IKZF2: variants seen among roughly 807,000 people sequenced by gnomAD.
IKZF2 encodes the protein IKAROS family zinc finger 2.
A neutral mutation model predicts 49.2 loss-of-function variants in IKZF2; 15 were observed. The observed-to-expected ratio is 0.30, with a 90% CI of 0.20 to 0.47. The LOEUF (loss-of-function observed/expected upper bound fraction) is 0.47, where lower values mean the gene tolerates loss of function less well. Among genes scored for constraint, IKZF2 ranks in the 20% least tolerant of loss-of-function variants. IKZF2 has a pLI of 1.00. For synonymous variants in IKZF2, 227 were observed against 221.4 expected (o/e 1.03, Z -0.23); for missense variants, 567 against 664.6 (o/e 0.85, Z 1.61).
intron 4 of IKZF2, among the ~76,000 whole-genome samples, chr2:213,130,906 GT>G (rs1275011703): frequency 6.6e-6 from 1 of 152,100 alleles, no homozygotes; most frequent in Non-Finnish European, 1.5e-5. Context: ...AAGATGATCT[GT>G]TACAATGTAA....
chr2:213,017,598 A>G (rs1696757389), intron 7 of IKZF2, among the ~76,000 whole-genome samples: 1 of 152,090 alleles, frequency 6.6e-6, no homozygotes, highest in Admixed American at 6.6e-5. Flanking sequence ...TCTCTTTACA[A>G]ACACACATGG....
rs185726567 is a variant in IKZF2, at chr2:213,096,169, G to A, written c.140-39070C>T. ...GAGCATCATACTCTAAACTTGATGC[G>A]AATTTCACATGAAAGAAACTTAATA... On this transcript the variant is annotated intron_variant, in intron 4 of 8. Coordinates refer to ENST00000434687, the MANE Select transcript of IKZF2 (RefSeq NM_001387220.1). Among the ~76,000 whole-genome samples the A allele has an allele frequency of 2.6e-5, 4 of 151,966 alleles. 1 individual carries two copies. The highest frequency in any genetic ancestry group is 6.6e-5 in the Admixed American group (1 of 15,248).
chr2:213,054,470 G>A (rs533947983), intron 5 of IKZF2, among the ~76,000 whole-genome samples: 4 of 152,194 alleles, frequency 2.6e-5, no homozygotes, highest in African/African-American at 7.2e-5. Flanking sequence ...TTAAAGAAAT[G>A]CAAATAGACT....
chr2:213,098,440 A>G (rs1706268470), intron 4 of IKZF2, among the ~76,000 whole-genome samples: 1 of 148,070 alleles, frequency 6.8e-6, no homozygotes, highest in African/African-American at 2.7e-5. Context: ...TCAACCTTAC[A>G]CAAAATGATG....
intron 4 of IKZF2, among the ~76,000 whole-genome samples, chr2:213,091,905 T>C (rs531785634): frequency 4.6e-5 from 7 of 152,088 alleles, no homozygotes; most frequent in African/African-American, 1.7e-4. Flanking sequence ...TGTGTGCGTG[T>C]GTGTGTGTGT....
At chr2:213,151,627 C>A (rs1283902529), upstream of IKZF2, 1 of 152,104 alleles carries the variant, frequency 6.6e-6, no homozygotes, top group Non-Finnish European at 1.5e-5. Context: ...GACAGCTGGT[C>A]AAACCCCGAG....
intron 4 of IKZF2, among the ~76,000 whole-genome samples, chr2:213,109,691 A>T (rs1176306609): frequency 6.6e-6 from 1 of 152,040 alleles, no homozygotes; most frequent in African/African-American, 2.4e-5. Flanking sequence ...AATTCCTAAC[A>T]CTACCATTAT....
intron 4 of IKZF2, among the ~76,000 whole-genome samples, chr2:213,135,609 C>T (rs2060627308): frequency 6.6e-6 from 1 of 150,674 alleles, no homozygotes; most frequent in South Asian, 2.1e-4. Flanking sequence ...TGCTTGAGCC[C>T]AGGAGTTCCA....
chr2:213,061,026 C>T (rs184113384), intron 4 of IKZF2, among the ~76,000 whole-genome samples: 1 of 151,624 alleles, frequency 6.6e-6, no homozygotes, highest in East Asian at 1.9e-4. Context: ...CTTCTTTATG[C>T]TTTCAAAATA....
chr2:213,041,574 T>G (rs956901805), intron 6 of IKZF2, among the ~76,000 whole-genome samples: 2 of 152,164 alleles, frequency 1.3e-5, no homozygotes, highest in Admixed American at 6.5e-5. Context: ...AGTGTTAGGA[T>G]TACAGGTGTG....
At chr2:213,102,485 G>A (rs986847424) in intron 4 of IKZF2, among the ~76,000 whole-genome samples, 2 of 152,052 alleles carry the variant, frequency 1.3e-5, no homozygotes, top group South Asian at 2.1e-4. Flanking sequence ...GACAAGTTGG[G>A]AGGTTGTTTT....
intron 4 of IKZF2, among the ~76,000 whole-genome samples, chr2:213,143,883 C>T (rs1049473748): frequency 4.6e-5 from 7 of 151,946 alleles, no homozygotes; most frequent in Admixed American, 1.3e-4. Flanking sequence ...GTATTGGACA[C>T]GGCAGACACC....
intron 5 of IKZF2, among the ~76,000 whole-genome samples, chr2:213,056,342 C>T (rs1701149041): frequency 1.3e-5 from 2 of 152,228 alleles, no homozygotes; most frequent in Middle Eastern, 3.4e-3. Flanking sequence ...ACAAAAGCAC[C>T]TGCCTGCTAC....
chr2:213,119,172 C>T (rs996992788), intron 4 of IKZF2, among the ~76,000 whole-genome samples: 1 of 152,036 alleles, frequency 6.6e-6, no homozygotes, highest in East Asian at 1.9e-4. Flanking sequence ...AGTGAAGCAA[C>T]AAGCAAGTAC....
At chr2:213,014,683 T>C (rs1871946) in intron 7 of IKZF2, 51,772 of 151,846 alleles carry the variant, frequency 0.34, 10,866 homozygotes, top group East Asian at 0.7. Flanking sequence ...TAAGTTGCTA[T>C]GGACTAATCT....
rs1200038126 is a variant in IKZF2, at chr2:212,999,832, C to A, written c.*7528G>T. On this transcript the variant is annotated 3_prime_UTR_variant, in exon 9 of 9. Transcript: ENST00000434687. ...GTTCCTGAGATTCCCTAAATTTATT[C>A]CAGTAGCTGTGCACTCAGACAGTAC... 6.6e-6 allele frequency: 1 copy of A among 152,294 alleles called. No individual in the cohort carries two copies. The highest frequency in any genetic ancestry group is 2.4e-5 in the African/African-American group (1 of 41,400). The allele number at this position is 152,294 out of a possible 1,614,324, so 9.4% of individuals were successfully genotyped here. A position where few individuals can be genotyped will look rare whatever the true frequency, so the allele number is the denominator to read the frequency against.
chr2:213,133,440 A>G (rs1180686935), intron 4 of IKZF2, among the ~76,000 whole-genome samples: 2 of 152,156 alleles, frequency 1.3e-5, no homozygotes, highest in Non-Finnish European at 2.9e-5. Flanking sequence ...TTTTAAAAAC[A>G]TGTTTACTGG....
chr2:213,126,714 A>T (rs896198945), intron 4 of IKZF2, among the ~76,000 whole-genome samples: 1 of 152,226 alleles, frequency 6.6e-6, no homozygotes, highest in Non-Finnish European at 1.5e-5. Flanking sequence ...GAACACAAAG[A>T]AAAAGAAATT....
Position 213,000,336 on chromosome 2 carries a change from G to A in IKZF2, c.*7024C>T, listed in dbSNP as rs1189558609. On this transcript the variant is annotated 3_prime_UTR_variant, in exon 9 of 9. Coordinates refer to ENST00000434687, the MANE Select transcript of IKZF2 (RefSeq NM_001387220.1). ...AGTTTGAAAAAAAATGAGGTTTACT[G>A]GTTTGACCTATTTTTTTTTCTTTTT... The A allele has an allele frequency of 6.8e-6, 1 of 147,746 alleles. No homozygotes were observed. Among genetic ancestry groups the A allele is most frequent in the Non-Finnish European group, 1.5e-5 (1 of 66,658 alleles). 9.2% of individuals were successfully genotyped at this position (147,746 alleles called of 1,614,324 possible). A position where few individuals can be genotyped will look rare whatever the true frequency, so the allele number is the denominator to read the frequency against.
Sources: allele counts gnomAD v4.1 joint callset (sites outside exome capture counted in the v4.1 genomes callset), GRCh38; gene constraint gnomAD v4.1.1; transcripts MANE v1.5; gene names NCBI Gene and HGNC (gene_info 2026-07-23, HGNC 2026-07-21).